Variants in PCDHA11 observed in about 807,000 individuals in gnomAD.
The protein encoded by PCDHA11 is protocadherin alpha-11.
In PCDHA11, 61 loss-of-function variants were observed where a neutral mutation model predicts 70.3. The observed-to-expected ratio is 0.87, with a 90% confidence interval of 0.71 to 1.07. The LOEUF (loss-of-function observed/expected upper bound fraction) is 1.07. Among genes scored for constraint, PCDHA11 ranks in the 50% least tolerant of loss-of-function variants. PCDHA11 has a pLI of 0.00. For missense variants in PCDHA11, 1,324 were observed against 1,237.5 expected, an observed-to-expected ratio of 1.07 and a Z score of -1.05; for synonymous variants, 633 against 555.1, an observed-to-expected ratio of 1.14 and a Z score of -1.97.
At chr5:140,883,940 G>A in intron 1 of PCDHA11, 1 of 1,613,412 alleles carries the variant, frequency 6.2e-7, no homozygotes, top group Non-Finnish European at 8.5e-7. Flanking sequence ...CGTGCTGGAC[G>A]AGAACGACAA....
In PCDHA11 at chr5:140,869,697, G is replaced by T. The variant is rs552852780; in HGVS notation, c.594G>T (p.Lys198Asn). 6.2e-7 allele frequency: 1 copy of T among 1,613,410 alleles called. No individual in the cohort carries two copies. Among genetic ancestry groups the T allele is most frequent in the Admixed American group, 1.7e-5 (1 of 60,024 alleles). ...QIKRLSLILK[K>N]SLDREKTPEL... Reference sequence around the variant, plus strand: ...AAAGACTGTCACTTATTTTAAAGAAGTCTCTGGATAGAGAGAAAACTCCGG... The same window carrying T: ...AAAGACTGTCACTTATTTTAAAGAATTCTCTGGATAGAGAGAAAACTCCGG... The change falls in exon 1 of 4, where the codon AAG becomes AAT. Residue 198 changes from lysine to asparagine, a missense_variant. Physicochemically the swap from Lys to Asn is moderately conservative, Grantham distance 94. Coordinates refer to ENST00000398640, the MANE Select transcript of PCDHA11 (RefSeq NM_018902.5).
intron 3 of PCDHA11, among the ~76,000 whole-genome samples, chr5:141,006,182 T>G (rs1388785445): frequency 1.3e-5 from 2 of 151,170 alleles, no homozygotes; most frequent in Non-Finnish European, 2.9e-5. Flanking sequence ...TTTAAAAGAG[T>G]TTGCTATATG....
intron 3 of PCDHA11, among the ~76,000 whole-genome samples, chr5:140,998,878 T>C (rs1379445555): frequency 6.6e-6 from 1 of 152,218 alleles, no homozygotes; most frequent in Non-Finnish European, 1.5e-5. Context: ...ATAATAAGTT[T>C]AGTTGAATAA....
chr5:140,992,823 T>A (rs1261484178), intron 3 of PCDHA11, among the ~76,000 whole-genome samples: 1 of 152,140 alleles, frequency 6.6e-6, no homozygotes, highest in Non-Finnish European at 1.5e-5. Flanking sequence ...ATGTGTTTGT[T>A]TTTTGGGAAC....
intron 1 of PCDHA11, chr5:140,928,089 T>G: frequency 6.2e-7 from 1 of 1,614,192 alleles, no homozygotes; most frequent in Non-Finnish European, 8.5e-7. Context: ...GCCTGCTGAT[T>G]GATGGGCCCC....
In PCDHA11 at chr5:140,900,301, C is replaced by CAG. The variant is rs1168626144; in HGVS notation, c.2391+28808_2391+28809dup. Among the ~76,000 whole-genome samples the CAG allele has an allele frequency of 1.4e-4, 22 of 152,156 alleles. No homozygotes were observed. The East Asian group carries it at 4.1e-3, about 28-fold the overall frequency. On this transcript the variant is annotated intron_variant, in intron 1 of 3. Coordinates refer to ENST00000398640, the MANE Select transcript of PCDHA11 (RefSeq NM_018902.5). ...ACACTTTCTTTTCTGTTTTTTTAGACAGTCTCACTTTTGTCGCCCAGGCTG... is the reference window on the plus strand; with the variant it reads ...ACACTTTCTTTTCTGTTTTTTTAGACAGAGTCTCACTTTTGTCGCCCAGGCTG...
intron 1 of PCDHA11, among the ~76,000 whole-genome samples, chr5:140,951,626 C>T (rs1182328214): frequency 3.3e-5 from 5 of 152,062 alleles, no homozygotes; most frequent in African/African-American, 4.8e-5. Context: ...AAGGGGGAAA[C>T]CTGCCCCATG....
At position 140,885,065 on chromosome 5, in the gene PCDHA11, T is replaced by TA. The variant is rs1440762512; in HGVS notation, c.2391+13572dup. ...TTAATGTATACATATACCCACAAGATATTATTTTAAAGAGCCCCATAACTT... is the reference window on the plus strand; with the variant it reads ...TTAATGTATACATATACCCACAAGATAATTATTTTAAAGAGCCCCATAACTT... On this transcript the variant is annotated intron_variant, in intron 1 of 3. Coordinates refer to ENST00000398640, the MANE Select transcript of PCDHA11 (RefSeq NM_018902.5). Among the ~76,000 whole-genome samples the TA allele has an allele frequency of 7.2e-5, 11 of 152,294 alleles. 1 individual carries two copies. Among genetic ancestry groups the TA allele is most frequent in the African/African-American group, 2.6e-4 (11 of 41,580 alleles).
intron 1 of PCDHA11, among the ~76,000 whole-genome samples, chr5:140,902,647 G>A (rs1286700570): frequency 6.6e-6 from 1 of 150,932 alleles, no homozygotes; most frequent in African/African-American, 2.4e-5. Context: ...CTGAGATTTT[G>A]GTGCACCTGT....
rs1423136904 is a variant in PCDHA11 at position 140,966,615 on chromosome 5, G to A, written c.2392-12334G>A. 1.0e-5 allele frequency: 8 copies of A among 773,600 alleles called. No individual in the cohort carries two copies. In the Admixed American group the frequency reaches 1.2e-4, roughly 12 times the overall value. The allele number at this position is 773,600 out of a possible 1,614,324, so 47.9% of individuals were successfully genotyped here. A position where few individuals can be genotyped will look rare whatever the true frequency, so the allele number is the denominator to read the frequency against. On this transcript the variant is annotated intron_variant, in intron 1 of 3. Transcript: ENST00000398640. The stretch of plus-strand genomic sequence containing the variant: ...GCCAGGAGCCCTTGGGAGGGCCTAC[G>A]GAGGGAGCGGCCCCAGGCGCTTTCT...
chr5:140,950,435 A>T (rs2094483371), intron 1 of PCDHA11, among the ~76,000 whole-genome samples: 1 of 152,038 alleles, frequency 6.6e-6, no homozygotes, highest in Non-Finnish European at 1.5e-5. Flanking sequence ...CACTTAAAAA[A>T]AATGTTATTC....
chr5:140,941,748 T>G (rs2093156951), intron 1 of PCDHA11, among the ~76,000 whole-genome samples: 1 of 152,210 alleles, frequency 6.6e-6, no homozygotes, highest in South Asian at 2.1e-4. Flanking sequence ...CTTATCAGAT[T>G]TTCAGTGCTT....
At chr5:141,000,558 G>A (rs1462892656) in intron 3 of PCDHA11, among the ~76,000 whole-genome samples, 1 of 149,136 alleles carries the variant, frequency 6.7e-6, no homozygotes, top group Admixed American at 6.8e-5. Flanking sequence ...CTCCCGAGTA[G>A]CTGGGATTAC....
At chr5:140,995,924 G>A (rs998405229) in intron 3 of PCDHA11, among the ~76,000 whole-genome samples, 16 of 152,308 alleles carry the variant, frequency 1.1e-4, no homozygotes, top group African/African-American at 3.8e-4. Flanking sequence ...ATAGGCTGTT[G>A]TAAGTATTAA....
chr5:140,951,659 C>A (rs1293655737), intron 1 of PCDHA11, among the ~76,000 whole-genome samples: 1 of 152,164 alleles, frequency 6.6e-6, no homozygotes, highest in Non-Finnish European at 1.5e-5. Context: ...CCCACCAGGG[C>A]CTGCCTACAA....
At chr5:140,963,206 AC>A (rs145404740) in intron 1 of PCDHA11, among the ~76,000 whole-genome samples, 1,595 of 152,188 alleles carry the variant, frequency 0.01, 28 homozygotes, top group African/African-American at 0.037. Context: ...GAAAAAAAAA[AC>A]CTCGTGTTTA....
chr5:140,923,396 T>C (rs2081343835), intron 1 of PCDHA11, among the ~76,000 whole-genome samples: 1 of 152,058 alleles, frequency 6.6e-6, no homozygotes, highest in Non-Finnish European at 1.5e-5. Context: ...GGCATGGTGG[T>C]GTGTGCCTAT....
intron 1 of PCDHA11, among the ~76,000 whole-genome samples, chr5:140,921,048 T>C (rs1554200052): frequency 6.6e-6 from 1 of 152,052 alleles, no homozygotes; most frequent in African/African-American, 2.4e-5. Context: ...GGGGCAATCA[T>C]AGCTCACTCT....
At chr5:140,915,503 G>T (rs1420993234) in intron 1 of PCDHA11, among the ~76,000 whole-genome samples, 1 of 152,062 alleles carries the variant, frequency 6.6e-6, no homozygotes, top group Non-Finnish European at 1.5e-5. Flanking sequence ...TAATACTGTG[G>T]TTTTTGCAGA....
Sources: allele counts gnomAD v4.1 joint callset (sites outside exome capture counted in the v4.1 genomes callset), GRCh38; gene constraint gnomAD v4.1.1; transcripts MANE v1.5; gene names NCBI Gene and HGNC (gene_info 2026-07-23, HGNC 2026-07-21).